The following SORCS2 variants were observed in gnomAD, a reference collection of about 807,000 sequenced individuals.
SORCS2 encodes sortilin related VPS10 domain containing receptor 2, also known as VPS10 domain-containing receptor SorCS2.
SORCS2 carries 100 observed loss-of-function variants against 141.6 expected under a neutral mutation model. The ratio of observed to expected loss-of-function variants is 0.71; its 90% CI spans 0.60 to 0.83. The LOEUF (loss-of-function observed/expected upper bound fraction) is 0.83. Among genes scored for constraint, SORCS2 ranks in the 40% least tolerant of loss-of-function variants. SORCS2 has a pLI of 0.00. For synonymous variants in SORCS2, 789 were observed against 676.9 expected (o/e 1.17, Z -2.57); for missense variants, 1,646 against 1,560.2 (o/e 1.05, Z -0.93).
intron 2 of SORCS2, among the ~76,000 whole-genome samples, chr4:7,497,845 C>T (rs1453979841): frequency 3.3e-5 from 5 of 152,248 alleles, no homozygotes; most frequent in Admixed American, 1.3e-4. Context: ...CCTAAAATGC[C>T]GAAGGCAGAG....
chr4:7,282,141 G>C (rs1019048924), intron 1 of SORCS2, among the ~76,000 whole-genome samples: 4 of 152,202 alleles, frequency 2.6e-5, no homozygotes, highest in African/African-American at 9.7e-5. Flanking sequence ...CACCTTCATG[G>C]CTTGGTTCCT....
At chr4:7,644,336 C>T (rs1720921078) in intron 4 of SORCS2, among the ~76,000 whole-genome samples, 2 of 152,144 alleles carry the variant, frequency 1.3e-5, no homozygotes, top group Non-Finnish European at 2.9e-5. Context: ...ATGTGGAGTC[C>T]AGCTGCTGCC....
In SORCS2 at chr4:7,501,402, C is replaced by T. The variant is rs544415181; in HGVS notation, c.549-30128C>T. ...CAGACATTTGTGCTGATCCAGTCCC[C>T]TTTCAAGTCAGTAGGGCTCCTTACT... On this transcript the variant is annotated intron_variant, in intron 2 of 26. Coordinates refer to ENST00000507866, the MANE Select transcript of SORCS2 (RefSeq NM_020777.3). Among the ~76,000 whole-genome samples, 3 of 152,336 alleles carry T rather than the reference C, an allele frequency of 2.0e-5. No homozygotes were observed. The South Asian group carries it at 6.2e-4, about 32-fold the overall frequency.
chr4:7,300,372 G>A (rs377521874), intron 1 of SORCS2, among the ~76,000 whole-genome samples: 2 of 152,120 alleles, frequency 1.3e-5, no homozygotes, highest in East Asian at 3.9e-4. Context: ...GAGAAAAAGC[G>A]AAGGACTTCC....
intron 3 of SORCS2, among the ~76,000 whole-genome samples, chr4:7,567,442 T>G (rs559183829): frequency 2.0e-5 from 3 of 151,926 alleles, no homozygotes; most frequent in African/African-American, 4.8e-5. Flanking sequence ...GGTCAGGTGT[T>G]TTTTAAAGAA....
At chr4:7,733,512 G>T (rs2148897886) in intron 24 of SORCS2, 91 bp downstream of exon 24, 2 of 1,051,266 alleles carry the variant, frequency 1.9e-6, no homozygotes, top group East Asian at 5.4e-5. Context: ...CGGGCAGATG[G>T]CCCGTATCCC....
chr4:7,383,260 G>A (rs866980190), intron 1 of SORCS2, among the ~76,000 whole-genome samples: 5 of 152,158 alleles, frequency 3.3e-5, no homozygotes, highest in African/African-American at 1.2e-4. Context: ...ATTCTGAGGG[G>A]TAGGCCTTTA....
At chr4:7,306,327 C>A (rs1473937449) in intron 1 of SORCS2, among the ~76,000 whole-genome samples, 1 of 150,636 alleles carries the variant, frequency 6.6e-6, no homozygotes, top group Non-Finnish European at 1.5e-5. Context: ...GGGAGGGCGG[C>A]ATCTGGAAGG....
chr4:7,710,707 T>A (rs1161530633), intron 14 of SORCS2, among the ~76,000 whole-genome samples: 5 of 152,068 alleles, frequency 3.3e-5, no homozygotes. Context: ...CCAAGACCAC[T>A]CACAGCCGGG....
rs1265053283 is a variant in SORCS2, at chr4:7,740,494, C to A, written c.*230C>A. The A allele has an allele frequency of 1.8e-6, 1 of 562,848 alleles. No homozygotes were observed. Among genetic ancestry groups the A allele is most frequent in the Non-Finnish European group, 3.2e-6 (1 of 312,040 alleles). 34.9% of individuals were successfully genotyped at this position (562,848 alleles called of 1,614,324 possible). A position where few individuals can be genotyped will look rare whatever the true frequency, so the allele number is the denominator to read the frequency against. On this transcript the variant is annotated 3_prime_UTR_variant, in exon 27 of 27. Coordinates refer to ENST00000507866, the MANE Select transcript of SORCS2 (RefSeq NM_020777.3). ...ACATGGCCCTGCCCCTATGGGACAC[C>A]AGGCCTGACTCAGGCAGGTTCTGCC... is the stretch of plus-strand genomic sequence containing the variant.
intron 1 of SORCS2, among the ~76,000 whole-genome samples, chr4:7,268,895 G>A (rs975756485): frequency 2.0e-5 from 3 of 152,088 alleles, no homozygotes; most frequent in African/African-American, 7.2e-5. Context: ...GATACTCAGG[G>A]CATTTTAGGA....
At chr4:7,650,193 A>G (rs1332322950) in intron 4 of SORCS2, among the ~76,000 whole-genome samples, 1 of 152,206 alleles carries the variant, frequency 6.6e-6, no homozygotes, top group Non-Finnish European at 1.5e-5. Flanking sequence ...CCCTGGGTGA[A>G]TCACTCAATT....
At chr4:7,429,913 GA>G (rs1560277245) in intron 2 of SORCS2, among the ~76,000 whole-genome samples, 1 of 152,148 alleles carries the variant, frequency 6.6e-6, no homozygotes, top group Non-Finnish European at 1.5e-5. Flanking sequence ...GTGACTGTGG[GA>G]GGTGGGCCAT....
intron 3 of SORCS2, among the ~76,000 whole-genome samples, chr4:7,560,798 G>C (rs1295842743): frequency 2.0e-5 from 3 of 152,138 alleles, no homozygotes; most frequent in African/African-American, 7.2e-5. Flanking sequence ...TTCTTGTAAG[G>C]CTGGGTAATG....
chr4:7,311,196 GCCT>G (rs1414256470), intron 1 of SORCS2, among the ~76,000 whole-genome samples: 1 of 152,018 alleles, frequency 6.6e-6, no homozygotes, highest in East Asian at 1.9e-4. Flanking sequence ...TCCTTGTCTG[GCCT>G]CCTCTACTCA....
intron 2 of SORCS2, among the ~76,000 whole-genome samples, chr4:7,473,947 TGTC>T (rs904825209): frequency 3.9e-5 from 6 of 152,310 alleles, no homozygotes; most frequent in African/African-American, 1.4e-4. Flanking sequence ...TCATTGGTGA[TGTC>T]GTTACCCAGC....
chr4:7,329,109 A>G (rs1003452124), intron 1 of SORCS2, among the ~76,000 whole-genome samples: 1 of 152,216 alleles, frequency 6.6e-6, no homozygotes, highest in African/African-American at 2.4e-5. Context: ...GCCCTGGGAA[A>G]GAATCCACAG....
chr4:7,686,967 G>A (rs954112172), intron 10 of SORCS2, among the ~76,000 whole-genome samples: 3 of 152,246 alleles, frequency 2.0e-5, no homozygotes, highest in African/African-American at 7.2e-5. Flanking sequence ...TCTGGCCTGA[G>A]TGCCAGGCAA....
chr4:7,695,182 T>A (rs1162980567), intron 11 of SORCS2, among the ~76,000 whole-genome samples: 1 of 149,668 alleles, frequency 6.7e-6, no homozygotes. Flanking sequence ...GGATGATCAA[T>A]TGGATGGATA....
Sources: allele counts gnomAD v4.1 joint callset (sites outside exome capture counted in the v4.1 genomes callset), GRCh38; gene constraint gnomAD v4.1.1; transcripts MANE v1.5; gene names NCBI Gene and HGNC (gene_info 2026-07-23, HGNC 2026-07-21).